Variants in SLC8A3 observed in about 807,000 individuals in gnomAD.
SLC8A3 encodes solute carrier family 8 member A3.
Under a neutral mutation model 65.4 loss-of-function variants are expected in SLC8A3, and 37 were observed. The ratio of observed to expected loss-of-function variants is 0.57; its 90% CI spans 0.44 to 0.74. The LOEUF (loss-of-function observed/expected upper bound fraction) is 0.74, where lower values mean the gene tolerates loss of function less well. Among genes scored for constraint, SLC8A3 ranks in the 30% least tolerant of loss-of-function variants. SLC8A3 has a pLI of 0.00. For synonymous variants in SLC8A3, 461 were observed against 444.5 expected (o/e 1.04, Z -0.47); for missense variants, 1,112 against 1,172.1 (o/e 0.95, Z 0.75).
At chr14:70,177,196 A>C (rs1897960990) in intron 1 of SLC8A3, among the ~76,000 whole-genome samples, 2 of 152,240 alleles carry the variant, frequency 1.3e-5, no homozygotes, top group African/African-American at 4.8e-5. Flanking sequence ...GTATATATTT[A>C]TTGAATGAAG....
chr14:70,119,722 A>G (rs1337967571), intron 2 of SLC8A3, among the ~76,000 whole-genome samples: 1 of 152,260 alleles, frequency 6.6e-6, no homozygotes, highest in Non-Finnish European at 1.5e-5. Context: ...TAGTTAAGTT[A>G]TATCTCTACC....
chr14:70,160,961 A>G (rs1008855897), intron 2 of SLC8A3, among the ~76,000 whole-genome samples: 11 of 151,156 alleles, frequency 7.3e-5, no homozygotes, highest in African/African-American at 2.2e-4. Context: ...TTTACATAGC[A>G]TGGTCGGGCA....
intron 2 of SLC8A3, among the ~76,000 whole-genome samples, chr14:70,164,797 C>A (rs1430736088): frequency 1.3e-5 from 2 of 152,224 alleles, no homozygotes; most frequent in Non-Finnish European, 2.9e-5. Context: ...TTCTTCCACA[C>A]TGACATCGCG....
chr14:70,108,886 G>A (rs908819934), intron 2 of SLC8A3, among the ~76,000 whole-genome samples: 6 of 152,032 alleles, frequency 3.9e-5, no homozygotes, highest in African/African-American at 1.5e-4. Flanking sequence ...TCTTTACCCT[G>A]GGCCTTTGCA....
At chr14:70,140,904 A>G (rs944157273) in intron 2 of SLC8A3, among the ~76,000 whole-genome samples, 30 of 152,184 alleles carry the variant, frequency 2.0e-4, no homozygotes, top group African/African-American at 6.5e-4. Flanking sequence ...ACTATAAGCT[A>G]CTTAAAAGCA....
chr14:70,160,430 G>GAAAT lies in SLC8A3; in HGVS notation c.1784+6205_1784+6208dup, dbSNP rs1269292871. Among the ~76,000 whole-genome samples, 8 of 152,188 alleles carry GAAAT rather than the reference G, an allele frequency of 5.3e-5. No homozygotes were observed. The East Asian group carries it at 5.8e-4, about 11-fold the overall frequency. On this transcript the variant is annotated intron_variant, in intron 2 of 6. Coordinates refer to ENST00000356921, the MANE Select transcript of SLC8A3 (RefSeq NM_182932.3). ...GGGCGACAGAATGAGATTCTGTCCCGAAATAAATAAATAAATAAAGTATAT... is the reference window on the plus strand; with the variant it reads ...GGGCGACAGAATGAGATTCTGTCCCGAAATAAATAAATAAATAAATAAAGTATAT...
Position 70,046,131 on chromosome 14 carries a change from A to T in SLC8A3, c.2582T>A (p.Leu861His). The T allele has an allele frequency of 6.2e-7, 1 of 1,614,190 alleles. No individual in the cohort carries two copies. Among genetic ancestry groups the T allele is most frequent in the South Asian group, 1.1e-5 (1 of 91,078 alleles). ...GCAGACAAATGCAAAGATGGTGAAG[A>T]GGGTGACGGAGAAGGCCAGTGTGCC... ...SAGTLAFSVT[L>H]FTIFAFVCIS... The change falls in exon 7 of 7, where the codon CTC becomes CAC. Residue 861 changes from leucine (L) to histidine (H), a missense_variant. Physicochemically the swap from Leu to His is moderately conservative, Grantham distance 99 (BLOSUM62 -3). Coordinates refer to ENST00000356921, the MANE Select transcript of SLC8A3 (RefSeq NM_182932.3). This position sits in a 1 kb window ranked among gnomAD's most constrained non-coding sequence, Gnocchi z 4.2.
Position 70,046,508 on chromosome 14 carries a change from C to T in SLC8A3, c.2390-185G>A. The T allele has an allele frequency of 1.7e-6, 1 of 575,538 alleles. No homozygotes were observed. Among genetic ancestry groups the T allele is most frequent in the East Asian group, 2.8e-5 (1 of 35,880 alleles). 35.7% of individuals were successfully genotyped at this position (575,538 alleles called of 1,614,324 possible). ...AAGCCGTGTGGCCCTGGGTAGGTCACATCCCTAGTCTGGGCTTCCCATTCC... is the reference window on the plus strand; with the variant it reads ...AAGCCGTGTGGCCCTGGGTAGGTCATATCCCTAGTCTGGGCTTCCCATTCC... On this transcript the variant is annotated intron_variant, in intron 6 of 6. Transcript: ENST00000356921. This position sits in a 1 kb window ranked among gnomAD's most constrained non-coding sequence, Gnocchi z 4.2.
intron 2 of SLC8A3, among the ~76,000 whole-genome samples, chr14:70,164,919 G>T: frequency 6.6e-6 from 1 of 152,204 alleles, no homozygotes; most frequent in East Asian, 1.9e-4. Context: ...TTCTCCAGAA[G>T]GCACAGGTTT....
intron 2 of SLC8A3, among the ~76,000 whole-genome samples, chr14:70,065,911 G>A (rs1284249855): frequency 6.6e-6 from 1 of 152,200 alleles, no homozygotes; most frequent in Non-Finnish European, 1.5e-5. Context: ...CTATTAGAGG[G>A]GGTTGGAATG....
At chr14:70,134,821 T>C (rs1284620714) in intron 2 of SLC8A3, among the ~76,000 whole-genome samples, 2 of 152,198 alleles carry the variant, frequency 1.3e-5, no homozygotes, top group Admixed American at 1.3e-4. Context: ...TACCATGGTG[T>C]CATGTGTTGA....
chr14:70,162,001 T>C (rs1200796767), intron 2 of SLC8A3, among the ~76,000 whole-genome samples: 1 of 152,176 alleles, frequency 6.6e-6, no homozygotes, highest in Non-Finnish European at 1.5e-5. Flanking sequence ...TCACCTTTTC[T>C]CAATTCAGAT....
rs551506727 is a variant in SLC8A3 at position 70,129,710 on chromosome 14, A to T, written c.1784+36929T>A. Among the ~76,000 whole-genome samples the T allele has an allele frequency of 2.6e-5, 4 of 152,292 alleles. No individual in the cohort carries two copies. The South Asian group carries it at 8.3e-4, about 32-fold the overall frequency. On this transcript the variant is annotated intron_variant, in intron 2 of 6. Transcript: ENST00000356921. ...ATCAGACTTTGTTAGGGAGAAGGAG[A>T]GGTCACCACTGACTCAGTGGTCTTA...
In SLC8A3 at chr14:70,167,679, G is replaced by C. The variant is rs1487925629; in HGVS notation, c.744C>G (p.Ala248=). 1 of 1,614,098 alleles carries C rather than the reference G, an allele frequency of 6.2e-7. No homozygotes were observed. Among genetic ancestry groups the C allele is most frequent in the Admixed American group, 1.7e-5 (1 of 60,018 alleles). ...LFFFPVCVLL[A]WVADKRLLFY... The stretch of plus-strand genomic sequence containing the variant: ...AGAGCAGTCGTTTATCTGCCACCCA[G>C]GCCAGAAGGACACACACTGGAAAGA... Residue 248 remains alanine (A), a synonymous_variant, in exon 2 of 7, where the codon GCC becomes GCG. Transcript: ENST00000356921.
At position 70,106,255 on chromosome 14, in the gene SLC8A3, A is replaced by G. The variant is rs561045660; in HGVS notation, c.1785-45316T>C. ...TGCAGTAAAACAAGAAAAAAGACGC[A>G]TGTGCCTCTTATCTCACATCTGGAT... On this transcript the variant is annotated intron_variant, in intron 2 of 6. Transcript: ENST00000356921. Among the ~76,000 whole-genome samples, 8 of 152,242 alleles carry G rather than the reference A, an allele frequency of 5.3e-5. No individual in the cohort carries two copies. The East Asian group carries it at 1.2e-3, about 22-fold the overall frequency.
At chr14:70,165,243 G>A (rs968557789) in intron 2 of SLC8A3, among the ~76,000 whole-genome samples, 2 of 152,198 alleles carry the variant, frequency 1.3e-5, no homozygotes, top group Non-Finnish European at 2.9e-5. Context: ...AAGGGATTGA[G>A]TAAGAACAGA....
intron 2 of SLC8A3, among the ~76,000 whole-genome samples, chr14:70,069,019 A>G (rs1475118112): frequency 6.6e-6 from 1 of 152,208 alleles, no homozygotes; most frequent in South Asian, 2.1e-4. Flanking sequence ...GGCCTGGTCA[A>G]TTATGATTAC....
chr14:70,050,205 C>T (rs1424954849), intron 5 of SLC8A3, among the ~76,000 whole-genome samples: 2 of 152,114 alleles, frequency 1.3e-5, no homozygotes, highest in African/African-American at 4.8e-5. Flanking sequence ...GTCAGGTCAT[C>T]AGAGGGGGAG....
chr14:70,114,901 G>A (rs1377572654), intron 2 of SLC8A3, among the ~76,000 whole-genome samples: 1 of 152,084 alleles, frequency 6.6e-6, no homozygotes, highest in Admixed American at 6.5e-5. Context: ...GTGTTTCCTT[G>A]TCTCTTCCTC....
Sources: allele counts gnomAD v4.1 joint callset (sites outside exome capture counted in the v4.1 genomes callset), GRCh38; gene constraint gnomAD v4.1.1; non-coding constraint Gnocchi (gnomAD v3.1); transcripts MANE v1.5; gene names NCBI Gene and HGNC (gene_info 2026-07-23, HGNC 2026-07-21).